Variants in AKT2 observed in about 807,000 individuals in gnomAD.
AKT2 encodes the protein RAC-beta serine/threonine-protein kinase.
A neutral mutation model predicts 58.6 loss-of-function variants in AKT2; 16 were observed. That is an observed-to-expected ratio of 0.27 (90% confidence interval 0.18 to 0.41). AKT2 has a LOEUF of 0.41. Ranked by LOEUF, AKT2 falls within the 10% of genes least tolerant of loss-of-function variation. The pLI is 1.00. For synonymous variants in AKT2, 253 were observed against 254.0 expected, an observed-to-expected ratio of 1.00 and a Z score of 0.04; for missense variants, 438 against 661.0, an observed-to-expected ratio of 0.66 and a Z score of 3.70.
intron 9 of AKT2, chr19:40,236,994 C>T (rs559179056): frequency 9.7e-4 from 173 of 179,208 alleles, no homozygotes; most frequent in Non-Finnish European, 1.6e-3. Context: ...CCATCCCCCA[C>T]AAGAATTAAC....
intron 1 of AKT2, among the ~76,000 whole-genome samples, chr19:40,277,627 T>A (rs2077350686): frequency 6.6e-6 from 1 of 152,142 alleles, no homozygotes. Context: ...CACCAGCACA[T>A]CCAGATATCG....
chr19:40,252,971 T>C (rs564799745), intron 4 of AKT2, among the ~76,000 whole-genome samples: 2 of 152,338 alleles, frequency 1.3e-5, no homozygotes, highest in South Asian at 4.1e-4. Flanking sequence ...GTATATTTTT[T>C]ACCTTGGGAG....
In AKT2 at chr19:40,239,048, G is replaced by T; in HGVS notation, c.640-75C>A. On this transcript the variant is annotated intron_variant, in intron 7 of 13. Coordinates refer to ENST00000392038, the MANE Select transcript of AKT2 (RefSeq NM_001626.6). ...CTGAGCCATGCCAGGGCAGGGCCCT[G>T]GCCCTGCTTATTCTGCACACACACA... 5 of 1,504,530 alleles carry T rather than the reference G, an allele frequency of 3.3e-6. No individual in the cohort carries two copies. In the South Asian group the frequency reaches 5.8e-5, roughly 17 times the overall value. 93.2% of individuals were successfully genotyped at this position (1,504,530 alleles called of 1,614,324 possible). A position where few individuals can be genotyped will look rare whatever the true frequency, so the allele number is the denominator to read the frequency against.
intron 7 of AKT2, chr19:40,239,341 A>G: frequency 4.0e-6 from 1 of 249,478 alleles, no homozygotes; most frequent in South Asian, 5.9e-5. Context: ...CTTGGGAGCC[A>G]ACTTCAATGA....
chr19:40,233,677 G>A lies in AKT2; in HGVS notation c.*195C>T, dbSNP rs755516207. 7 of 766,300 alleles carry A rather than the reference G, an allele frequency of 9.1e-6. No homozygotes were observed. Among genetic ancestry groups the A allele is most frequent in the Non-Finnish European group, 1.7e-5 (7 of 421,138 alleles). 47.5% of individuals were successfully genotyped at this position (766,300 alleles called of 1,614,324 possible). On this transcript the variant is annotated 3_prime_UTR_variant, in exon 14 of 14. Coordinates refer to ENST00000392038, the MANE Select transcript of AKT2 (RefSeq NM_001626.6). The surrounding 1 kb of genome is among the most constrained non-coding windows in gnomAD (Gnocchi z 4.3). Reference sequence around the variant, plus strand: ...TCCAAATGCGAGTCTGGGCACAAAGGTGAGGCTGGAGGCTGGAGGCAGGGG... The same window carrying A: ...TCCAAATGCGAGTCTGGGCACAAAGATGAGGCTGGAGGCTGGAGGCAGGGG...
At chr19:40,251,945 C>T (rs892570024) in intron 4 of AKT2, among the ~76,000 whole-genome samples, 3 of 152,132 alleles carry the variant, frequency 2.0e-5, no homozygotes, top group Non-Finnish European at 1.5e-5. Flanking sequence ...AGGAGTGGGG[C>T]GCGTGGATGT....
intron 1 of AKT2, among the ~76,000 whole-genome samples, chr19:40,273,896 C>A (rs1354587458): frequency 6.6e-6 from 1 of 152,272 alleles, no homozygotes; most frequent in African/African-American, 2.4e-5. Flanking sequence ...GTCCAAGGCC[C>A]CTATGGAGGC....
chr19:40,242,184 T>C lies in AKT2; in HGVS notation c.442-115A>G. 2.0e-6 allele frequency: 3 copies of C among 1,479,766 alleles called. No homozygotes were observed. The Admixed American group carries it at 5.4e-5, about 27-fold the overall frequency. 91.7% of individuals were successfully genotyped at this position (1,479,766 alleles called of 1,614,324 possible). A position where few individuals can be genotyped will look rare whatever the true frequency, so the allele number is the denominator to read the frequency against. ...GACACTGTTGCCAAACGGCTTAGGC[T>C]GGAGCAGGAAGGGAGGCTCTGGGCA... On this transcript the variant is annotated intron_variant, in intron 5 of 13. Coordinates refer to ENST00000392038, the MANE Select transcript of AKT2 (RefSeq NM_001626.6). The surrounding 1 kb of genome is among the most constrained non-coding windows in gnomAD (Gnocchi z 4.3).
intron 1 of AKT2, among the ~76,000 whole-genome samples, chr19:40,283,757 C>T (rs1568581211): frequency 6.6e-6 from 1 of 152,186 alleles, no homozygotes; most frequent in Non-Finnish European, 1.5e-5. Flanking sequence ...GTCCCAAGCC[C>T]TTCAGAGCAG....
At chr19:40,256,787 G>A in intron 3 of AKT2, 139 bp downstream of exon 3, 9 of 1,335,450 alleles carry the variant, frequency 6.7e-6, no homozygotes, top group Non-Finnish European at 9.6e-6. Flanking sequence ...AGGGAGAGCA[G>A]GGGAAGGGTG....
chr19:40,245,931 A>G (rs963340552), intron 4 of AKT2, among the ~76,000 whole-genome samples: 1 of 152,066 alleles, frequency 6.6e-6, no homozygotes, highest in Non-Finnish European at 1.5e-5. Context: ...CAGAGCACGC[A>G]CTGAGCCCTG....
rs1240210533 is a variant in AKT2 at position 40,236,376 on chromosome 19, G to C, written c.841C>G (p.Leu281Val). The C allele has an allele frequency of 6.2e-7, 1 of 1,614,136 alleles. No individual in the cohort carries two copies. The highest frequency in any genetic ancestry group is 8.5e-7 in the Non-Finnish European group (1 of 1,180,032). ...VVYRDIKLEN[L>V]MLDKDGHIKI... ...ATGTGGCCATCTTTGTCCAGCATGA[G>C]GTTTTCCAGCTGTTGGAAAAGTCAA... Residue 281 changes from leucine (L) to valine (V), a missense_variant, in exon 10 of 14, where the codon CTC becomes GTC. By Grantham distance (32) the Leu-to-Val change is conservative. Coordinates refer to ENST00000392038, the MANE Select transcript of AKT2 (RefSeq NM_001626.6).
chr19:40,240,246 G>A, intron 6 of AKT2, 136 bp from the exon 7 acceptor site: 2 of 970,624 alleles, frequency 2.1e-6, no homozygotes, highest in Non-Finnish European at 3.4e-6. Context: ...GGAGTGAAAA[G>A]TGAAAGCCTG....
chr19:40,273,340 C>CAAAAAAAA (rs574470407), intron 1 of AKT2: 1 of 116,846 alleles, frequency 8.6e-6, no homozygotes. Flanking sequence ...GACTCCATCT[C>CAAAAAAAA]AAAAAAAAAA....
chr19:40,244,424 A>C, intron 4 of AKT2: 1 of 152,156 alleles, frequency 6.6e-6, no homozygotes, highest in Non-Finnish European at 1.5e-5. Flanking sequence ...GCTAAAAAAA[A>C]AACAAAATAA....
intron 7 of AKT2, chr19:40,239,295 A>G: frequency 6.7e-6 from 2 of 299,204 alleles, no homozygotes; most frequent in Non-Finnish European, 1.3e-5. Context: ...ACTTACACAC[A>G]CAAGTGATGT....
intron 1 of AKT2, chr19:40,282,253 T>A (rs1283786243): frequency 3.4e-5 from 11 of 324,228 alleles, no homozygotes; most frequent in Non-Finnish European, 3.7e-5. Context: ...TTCTCGTGGA[T>A]TAATTCATTT....
chr19:40,269,808 T>C (rs1021581099), intron 1 of AKT2, among the ~76,000 whole-genome samples: 1 of 152,172 alleles, frequency 6.6e-6, no homozygotes, highest in Non-Finnish European at 1.5e-5. Flanking sequence ...GAGAATGTTA[T>C]AGAGTGAAAG....
intron 1 of AKT2, among the ~76,000 whole-genome samples, chr19:40,267,980 G>A (rs1976484262): frequency 6.6e-6 from 1 of 152,170 alleles, no homozygotes; most frequent in South Asian, 2.1e-4. Context: ...TTTCAGCAGG[G>A]GAACAGAAAA....
Sources: allele counts gnomAD v4.1 joint callset (sites outside exome capture counted in the v4.1 genomes callset), GRCh38; gene constraint gnomAD v4.1.1; non-coding constraint Gnocchi (gnomAD v3.1); transcripts MANE v1.5; gene names NCBI Gene and HGNC (gene_info 2026-07-23, HGNC 2026-07-21).